Variants in NAALADL2 observed in about 807,000 individuals in gnomAD.
NAALADL2 encodes the protein N-acetylated alpha-linked acidic dipeptidase like 2.
Under a neutral mutation model 87.2 loss-of-function variants are expected in NAALADL2, and 76 were observed. The ratio of observed to expected loss-of-function variants is 0.87; its 90% confidence interval spans 0.72 to 1.05. The LOEUF is 1.05. NAALADL2 is among the 50% of genes least tolerant of loss of function. NAALADL2 has a pLI of 0.00. For missense variants in NAALADL2, 1,089 were observed against 945.8 expected (o/e 1.15, Z -1.99); for synonymous variants, 354 against 331.0 (o/e 1.07, Z -0.75).
intron 5 of NAALADL2, among the ~76,000 whole-genome samples, chr3:175,426,453 G>T (rs1374103474): frequency 6.6e-6 from 1 of 152,148 alleles, no homozygotes; most frequent in Non-Finnish European, 1.5e-5. Context: ...GGTTGTTTAT[G>T]AATTCCTTTT....
At chr3:174,938,790 T>TA (rs1300950402) in intron 1 of NAALADL2, among the ~76,000 whole-genome samples, 1 of 152,096 alleles carries the variant, frequency 6.6e-6, no homozygotes, top group Non-Finnish European at 1.5e-5. Flanking sequence ...GGCTTTTTTT[T>TA]ACATGCTTGT....
intron 2 of NAALADL2, among the ~76,000 whole-genome samples, chr3:174,571,009 T>C (rs1714854917): frequency 1.3e-5 from 2 of 152,170 alleles, no homozygotes; most frequent in Non-Finnish European, 1.5e-5. Context: ...TATAAACCAG[T>C]TGGTGATCTT....
At chr3:175,295,107 G>A (rs1756148057) in intron 4 of NAALADL2, among the ~76,000 whole-genome samples, 1 of 152,156 alleles carries the variant, frequency 6.6e-6, no homozygotes, top group Admixed American at 6.6e-5. Flanking sequence ...GGCACAGAAT[G>A]TGTCTAGTAA....
intron 2 of NAALADL2, among the ~76,000 whole-genome samples, chr3:174,671,738 T>C (rs1294641475): frequency 6.6e-6 from 1 of 152,094 alleles, no homozygotes; most frequent in Non-Finnish European, 1.5e-5. Context: ...GCATAGATTT[T>C]GGAGTTATAG....
At chr3:174,698,385 G>T (rs190010040) in intron 2 of NAALADL2, among the ~76,000 whole-genome samples, 1 of 151,998 alleles carries the variant, frequency 6.6e-6, no homozygotes, top group Non-Finnish European at 1.5e-5. Context: ...TAGGTAGAGA[G>T]ACATTTCCTC....
At chr3:175,145,793 C>G (rs1580685902) in intron 2 of NAALADL2, among the ~76,000 whole-genome samples, 1 of 151,976 alleles carries the variant, frequency 6.6e-6, no homozygotes, top group Non-Finnish European at 1.5e-5. Context: ...AATAATTGAA[C>G]TATTTAAAGT....
intron 5 of NAALADL2, among the ~76,000 whole-genome samples, chr3:175,433,518 T>C (rs1216878130): frequency 2.0e-5 from 3 of 152,034 alleles, no homozygotes; most frequent in African/African-American, 4.8e-5. Context: ...CCCTAGCTTA[T>C]TAACAGGACC....
chr3:175,735,782 G>A lies in NAALADL2; in HGVS notation c.1897-1524G>A, dbSNP rs554487931. Reference sequence around the variant, plus strand: ...GGAGCTACAAGATGAAATTTGGGTGGGGACACAGAGCCAAACCGTATCAAA... The same window carrying A: ...GGAGCTACAAGATGAAATTTGGGTGAGGACACAGAGCCAAACCGTATCAAA... On this transcript the variant is annotated intron_variant, in intron 11 of 13. Coordinates refer to ENST00000454872, the MANE Select transcript of NAALADL2 (RefSeq NM_207015.3). 2.0e-5 allele frequency among the ~76,000 whole-genome samples: 3 copies of A among 152,184 alleles called. No individual in the cohort carries two copies. In the South Asian group the frequency reaches 6.2e-4, roughly 32 times the overall value.
At chr3:175,299,606 G>C (rs1756790247) in intron 4 of NAALADL2, among the ~76,000 whole-genome samples, 1 of 152,022 alleles carries the variant, frequency 6.6e-6, no homozygotes, top group Non-Finnish European at 1.5e-5. Context: ...GTCTACTGTT[G>C]GTGTATAGGA....
At chr3:175,735,341 T>C (rs1417886569) in intron 11 of NAALADL2, among the ~76,000 whole-genome samples, 1 of 152,218 alleles carries the variant, frequency 6.6e-6, no homozygotes, top group Admixed American at 6.5e-5. Context: ...TCCCTGTCTT[T>C]TTCTGAGCCC....
intron 2 of NAALADL2, among the ~76,000 whole-genome samples, chr3:174,733,638 G>T (rs1446461729): frequency 2.0e-5 from 3 of 152,194 alleles, no homozygotes; most frequent in Non-Finnish European, 4.4e-5. Flanking sequence ...AACACCAGGG[G>T]TTCAGTTTGG....
intron 5 of NAALADL2, among the ~76,000 whole-genome samples, chr3:175,435,721 A>G (rs1368624011): frequency 6.6e-6 from 1 of 151,982 alleles, no homozygotes; most frequent in Non-Finnish European, 1.5e-5. Context: ...AAAGAAAAAT[A>G]TTTTTAATCA....
At chr3:175,358,177 A>G (rs537219203) in intron 5 of NAALADL2, among the ~76,000 whole-genome samples, 9 of 152,286 alleles carry the variant, frequency 5.9e-5, no homozygotes, top group African/African-American at 2.2e-4. Flanking sequence ...TAAGTTTCCC[A>G]CTTGTGGGCT....
intron 9 of NAALADL2, among the ~76,000 whole-genome samples, chr3:175,499,475 A>T (rs2149364025): frequency 6.7e-6 from 1 of 149,774 alleles, no homozygotes; most frequent in East Asian, 1.9e-4. Context: ...ACAAAATGTT[A>T]AACCTAAGGA....
chr3:175,253,878 T>C (rs138969976), intron 3 of NAALADL2, among the ~76,000 whole-genome samples: 41 of 152,284 alleles, frequency 2.7e-4, no homozygotes, highest in Non-Finnish European at 5.6e-4. Context: ...TGTGACTAAA[T>C]TGTTGCAATG....
At chr3:175,028,951 A>G (rs1752503226) in intron 1 of NAALADL2, among the ~76,000 whole-genome samples, 2 of 151,334 alleles carry the variant, frequency 1.3e-5, no homozygotes, top group Admixed American at 1.3e-4. Context: ...ATATTTTAGT[A>G]GTGTAAACTA....
chr3:175,502,915 AT>A (rs955056094), intron 9 of NAALADL2, among the ~76,000 whole-genome samples: 2 of 132,390 alleles, frequency 1.5e-5, no homozygotes. Flanking sequence ...TTTTAATGAG[AT>A]TTTTTTTCTC....
At chr3:175,245,399 GGAAAT>G (rs534093766) in intron 3 of NAALADL2, among the ~76,000 whole-genome samples, 257 of 152,246 alleles carry the variant, frequency 1.7e-3, no homozygotes, top group African/African-American at 5.9e-3. Context: ...TGTAAAGTAT[GGAAAT>G]GAAATCCTGA....
intron 9 of NAALADL2, among the ~76,000 whole-genome samples, chr3:175,551,944 T>G (rs189369685): frequency 7.5e-4 from 110 of 146,014 alleles, no homozygotes; most frequent in Admixed American, 3.8e-3. Flanking sequence ...AAAAAGGGAA[T>G]TATTTTTCTA....
Sources: gnomAD v4.1 joint callset for allele counts (sites outside exome capture counted in the v4.1 genomes callset) on GRCh38, gnomAD v4.1.1 for gene constraint, MANE v1.5 for transcripts, NCBI Gene and HGNC (gene_info 2026-07-23, HGNC 2026-07-21) for gene names.